TENM4: variants seen among roughly 807,000 people sequenced by gnomAD.
TENM4 encodes the protein teneurin transmembrane protein 4, also known as teneurin-4.
In TENM4, 82 loss-of-function variants were observed where a neutral mutation model predicts 243.3. That is an observed-to-expected ratio of 0.34 (90% CI 0.28 to 0.40). The LOEUF (loss-of-function observed/expected upper bound fraction) is 0.40. Among genes scored for constraint, TENM4 ranks in the 10% least tolerant of loss-of-function variants. TENM4 has a pLI of 1.00. For missense variants in TENM4, 3,138 were observed against 3,673.3 expected (o/e 0.85, Z 3.77); for synonymous variants, 1,412 against 1,456.3 (o/e 0.97, Z 0.69).
chr11:79,188,985 A>G (rs1169026250), intron 3 of TENM4, among the ~76,000 whole-genome samples: 1 of 152,244 alleles, frequency 6.6e-6, no homozygotes, highest in African/African-American at 2.4e-5. Context: ...TTAGTATGAA[A>G]TTCACAGGTA....
At chr11:79,155,355 C>CTT (rs553666524) in intron 3 of TENM4, among the ~76,000 whole-genome samples, 4 of 140,598 alleles carry the variant, frequency 2.8e-5, no homozygotes, top group South Asian at 2.3e-4. Flanking sequence ...CTCTCTCTCT[C>CTT]TTTTTTTTTT....
At chr11:78,710,820 A>G (rs1478076430) in intron 26 of TENM4, among the ~76,000 whole-genome samples, 2 of 152,226 alleles carry the variant, frequency 1.3e-5, no homozygotes, top group Non-Finnish European at 2.9e-5. Context: ...GGGTAAATGC[A>G]CTGCCGCTTC....
intron 6 of TENM4, among the ~76,000 whole-genome samples, chr11:79,025,595 T>C (rs1859059297): frequency 6.6e-6 from 1 of 152,160 alleles, no homozygotes; most frequent in Non-Finnish European, 1.5e-5. Context: ...TTATCTCTAT[T>C]CTCTGGATGA....
intron 4 of TENM4, among the ~76,000 whole-genome samples, chr11:79,103,250 T>G (rs749050413): frequency 6.6e-6 from 1 of 151,546 alleles, no homozygotes; most frequent in Non-Finnish European, 1.5e-5. Context: ...CCTCCAGGAC[T>G]CCCCCCTCCC....
intron 6 of TENM4, among the ~76,000 whole-genome samples, chr11:78,919,115 A>G (rs1211333324): frequency 1.3e-5 from 2 of 152,232 alleles, no homozygotes; most frequent in Non-Finnish European, 2.9e-5. Context: ...CTAAATGTGT[A>G]TTCACTATGT....
intron 6 of TENM4, among the ~76,000 whole-genome samples, chr11:78,930,012 A>T (rs1378285607): frequency 2.0e-5 from 3 of 152,162 alleles, no homozygotes; most frequent in Admixed American, 1.3e-4. Context: ...TTTAGATTTT[A>T]CCATGGGTGC....
At chr11:79,129,991 C>T (rs968280203) in intron 4 of TENM4, among the ~76,000 whole-genome samples, 3 of 152,116 alleles carry the variant, frequency 2.0e-5, no homozygotes, top group Non-Finnish European at 4.4e-5. Context: ...ATTGCAACCC[C>T]CTGCCACCTC....
intron 4 of TENM4, chr11:79,093,663 AGT>A (rs2137058536): frequency 6.6e-6 from 1 of 152,410 alleles, no homozygotes; most frequent in East Asian, 1.9e-4. Context: ...CCCAATCCAG[AGT>A]GGGGATGGCT....
intron 25 of TENM4, among the ~76,000 whole-genome samples, chr11:78,715,360 A>AAAC (rs1295137317): frequency 6.6e-6 from 1 of 152,152 alleles, no homozygotes; most frequent in Non-Finnish European, 1.5e-5. Flanking sequence ...CACTCATGAT[A>AAAC]AACTGGTGCT....
intron 3 of TENM4, among the ~76,000 whole-genome samples, chr11:79,214,475 C>T (rs1248318218): frequency 6.6e-6 from 1 of 152,180 alleles, no homozygotes; most frequent in Non-Finnish European, 1.5e-5. Flanking sequence ...TTCCATATGT[C>T]TTTGTCGAAT....
At chr11:79,043,893 T>C (rs898475401) in intron 6 of TENM4, among the ~76,000 whole-genome samples, 4 of 152,232 alleles carry the variant, frequency 2.6e-5, no homozygotes, top group Admixed American at 6.5e-5. Flanking sequence ...ATCTCTGTAC[T>C]GATGCCAACC....
rs935968915 is a variant in TENM4 at position 78,670,106 on chromosome 11, C to A, written c.6239G>T (p.Arg2080Leu). ...RFTEEGMVNA[R>L]FDYNYDNSFR... ...GCTGTTGTCATAGTTGTAGTCAAAA[C>A]GGGCGTTGACCATGCCTTCCTCAGT... is the stretch of plus-strand genomic sequence containing the variant. Residue 2080 changes from arginine (R) to leucine (L), a missense_variant, in exon 32 of 34, where the codon CGT (arginine) becomes CTT (leucine). Physicochemically the swap from Arg to Leu is moderately radical, Grantham distance 102. Coordinates refer to ENST00000278550, the MANE Select transcript of TENM4 (RefSeq NM_001098816.3). The A allele has an allele frequency of 6.2e-7, 1 of 1,613,928 alleles. No homozygotes were observed. Among genetic ancestry groups the A allele is most frequent in the East Asian group, 2.2e-5 (1 of 44,880 alleles).
intron 1 of TENM4, among the ~76,000 whole-genome samples, chr11:79,358,410 A>C (rs1414678668): frequency 6.6e-6 from 1 of 152,204 alleles, no homozygotes; most frequent in African/African-American, 2.4e-5. Context: ...AGGGACGCTC[A>C]GGACCCAAAG....
chr11:79,298,867 T>G (rs1856503907), intron 1 of TENM4, among the ~76,000 whole-genome samples: 1 of 152,200 alleles, frequency 6.6e-6, no homozygotes, highest in Admixed American at 6.5e-5. Context: ...TCAATTCATA[T>G]TTTTTCTTAA....
At chr11:79,414,037 C>G (rs1858759321) in intron 1 of TENM4, among the ~76,000 whole-genome samples, 1 of 151,956 alleles carries the variant, frequency 6.6e-6, no homozygotes, top group Non-Finnish European at 1.5e-5. Flanking sequence ...ACACAAGATA[C>G]GTATAATTTA....
At chr11:79,425,897 A>T (rs1042695574) in intron 1 of TENM4, among the ~76,000 whole-genome samples, 1 of 152,226 alleles carries the variant, frequency 6.6e-6, no homozygotes, top group Non-Finnish European at 1.5e-5. Flanking sequence ...AGAGTGAACA[A>T]GGCAACATTT....
intron 1 of TENM4, among the ~76,000 whole-genome samples, chr11:79,365,451 G>A (rs1412296731): frequency 1.3e-5 from 2 of 152,120 alleles, no homozygotes. Context: ...AAATAACCAA[G>A]TCCCTGGGTG....
At chr11:79,236,556 G>A (rs377232998) in intron 2 of TENM4, among the ~76,000 whole-genome samples, 3 of 152,204 alleles carry the variant, frequency 2.0e-5, no homozygotes, top group East Asian at 1.9e-4. Flanking sequence ...TGCTCGCTTT[G>A]TTGTGCTTGT....
At chr11:78,811,387 G>A (rs1857496526) in intron 14 of TENM4, among the ~76,000 whole-genome samples, 1 of 152,160 alleles carries the variant, frequency 6.6e-6, no homozygotes, top group African/African-American at 2.4e-5. Context: ...CCTTCCCTGG[G>A]CCTCAGTTTC....
Sources: allele counts gnomAD v4.1 joint callset (sites outside exome capture counted in the v4.1 genomes callset), GRCh38; gene constraint gnomAD v4.1.1; transcripts MANE v1.5; gene names NCBI Gene and HGNC (gene_info 2026-07-23, HGNC 2026-07-21).